Variants in FRMD3 observed in about 807,000 individuals in gnomAD.
FRMD3 encodes FERM domain-containing protein 3.
In FRMD3, 33 loss-of-function variants were observed where a neutral mutation model predicts 70.2. That is an observed-to-expected ratio of 0.47 (90% CI 0.36 to 0.63). The LOEUF is 0.63. Ranked by LOEUF, FRMD3 falls within the 20% of genes least tolerant of loss-of-function variation. The pLI, the probability that FRMD3 is intolerant of heterozygous loss-of-function variation, is 0.00. For synonymous variants in FRMD3, 279 were observed against 255.9 expected, an observed-to-expected ratio of 1.09 and a Z score of -0.86; for missense variants, 632 against 711.4, an observed-to-expected ratio of 0.89 and a Z score of 1.27.
chr9:83,331,282 C>G (rs1836248817), intron 6 of FRMD3, among the ~76,000 whole-genome samples: 1 of 152,118 alleles, frequency 6.6e-6, no homozygotes, highest in Admixed American at 6.5e-5. Flanking sequence ...AGGAAATGAG[C>G]TCTTAAACCA....
chr9:83,285,876 C>T (rs1348867852), intron 13 of FRMD3, among the ~76,000 whole-genome samples: 3 of 152,204 alleles, frequency 2.0e-5, no homozygotes, highest in Non-Finnish European at 4.4e-5. Context: ...AAATGGTTTG[C>T]CATTCTCATC....
intron 2 of FRMD3, among the ~76,000 whole-genome samples, chr9:83,389,135 G>A (rs897851119): frequency 4.6e-5 from 7 of 151,740 alleles, no homozygotes; most frequent in Admixed American, 2.6e-4. Flanking sequence ...TTTTGTAGAG[G>A]TGGAGTTTTG....
upstream of FRMD3, among the ~76,000 whole-genome samples, chr9:83,539,768 T>C (rs1026354344): frequency 1.3e-5 from 2 of 152,202 alleles, no homozygotes; most frequent in African/African-American, 4.8e-5. Flanking sequence ...ACAAACTCAG[T>C]CTCAGTATCT....
chr9:83,243,772 T>C (rs149361477), downstream of FRMD3, among the ~76,000 whole-genome samples: 3,547 of 152,210 alleles, frequency 0.023, 61 homozygotes, highest in Non-Finnish European at 0.031. Context: ...ATTGTATTCC[T>C]GCAATTAAGA....
In FRMD3 at chr9:83,431,112, T is replaced by C. The variant is rs575128287; in HGVS notation, c.148-41404A>G. ...ATCCATTGGCCCTTTATTGAACTCA[T>C]GGAAGGAGCACGTTCATTTCAGATT... On this transcript the variant is annotated intron_variant, in intron 1 of 13. Transcript: ENST00000304195. Among the ~76,000 whole-genome samples the C allele has an allele frequency of 4.1e-4, 62 of 152,364 alleles. 1 individual carries two copies. In the South Asian group the frequency reaches 0.012, roughly 31 times the overall value.
chr9:83,447,779 G>T (rs1033725233), intron 1 of FRMD3, among the ~76,000 whole-genome samples: 7 of 152,170 alleles, frequency 4.6e-5, no homozygotes, highest in African/African-American at 1.7e-4. Flanking sequence ...AAAGACAGAA[G>T]TCAGGATGTC....
At chr9:83,464,775 T>C (rs1210296287) in intron 1 of FRMD3, among the ~76,000 whole-genome samples, 1 of 152,098 alleles carries the variant, frequency 6.6e-6, no homozygotes, top group Non-Finnish European at 1.5e-5. Context: ...TCCCAGCACT[T>C]TGGGACGCCA....
the FRMD3 span, among the ~76,000 whole-genome samples, chr9:83,549,840 T>C: frequency 6.6e-6 from 1 of 152,192 alleles, no homozygotes; most frequent in African/African-American, 2.4e-5. Context: ...TTATAGATGC[T>C]GGACATTAGA....
intron 8 of FRMD3, 50 bp from the exon 9 acceptor site, chr9:83,310,598 A>T (rs749305913): frequency 1.2e-5 from 17 of 1,440,716 alleles, no homozygotes; most frequent in Non-Finnish European, 1.6e-5. Context: ...GCAGCTAACC[A>T]AGGTACCTGG....
At chr9:83,535,890 G>A (rs1829882420) in intron 1 of FRMD3, among the ~76,000 whole-genome samples, 1 of 152,148 alleles carries the variant, frequency 6.6e-6, no homozygotes, top group African/African-American at 2.4e-5. Flanking sequence ...GATTCACCCA[G>A]AACAAGTGCC....
chr9:83,276,791 C>A lies in FRMD3; in HGVS notation c.1195+13812G>T, dbSNP rs1833807408. On this transcript the variant is annotated intron_variant, in intron 13 of 13. Transcript: ENST00000304195. ...ATGGTGTGATTTCAGCTCACTGCAA[C>A]CTCCACCTCCCAGGTTCAAGCGATT... is the stretch of plus-strand genomic sequence containing the variant. Among the ~76,000 whole-genome samples the A allele has an allele frequency of 2.0e-5, 3 of 152,220 alleles. No individual in the cohort carries two copies. The South Asian group carries it at 6.2e-4, about 32-fold the overall frequency.
chr9:83,371,209 G>C (rs897212745), intron 3 of FRMD3, among the ~76,000 whole-genome samples: 1 of 152,046 alleles, frequency 6.6e-6, no homozygotes, highest in African/African-American at 2.4e-5. Flanking sequence ...TCAATATTTT[G>C]TAGTTAAGGA....
At position 83,520,651 on chromosome 9, in the gene FRMD3, C is replaced by T. The variant is rs548008217; in HGVS notation, c.147+17434G>A. ...CTAGTGGCTACCAAACTGGACAGCA[C>T]AGATACAGAACAGTGTTACCACTGC... is the stretch of plus-strand genomic sequence containing the variant. On this transcript the variant is annotated intron_variant, in intron 1 of 13. Transcript: ENST00000304195. Among the ~76,000 whole-genome samples the T allele has an allele frequency of 3.9e-5, 6 of 152,306 alleles. 1 individual carries two copies. Among genetic ancestry groups the T allele is most frequent in the African/African-American group, 1.4e-4 (6 of 41,580 alleles).
In FRMD3 at chr9:83,536,476, C is replaced by T. The variant is rs78581070; in HGVS notation, c.147+1609G>A. On this transcript the variant is annotated intron_variant, in intron 1 of 13. Coordinates refer to ENST00000304195, the MANE Select transcript of FRMD3 (RefSeq NM_174938.6). ...TACACATTCATTATGGGTTAAAGGACCTGTACACCCACTTTAGGACTTAAA... is the reference window on the plus strand; with the variant it reads ...TACACATTCATTATGGGTTAAAGGATCTGTACACCCACTTTAGGACTTAAA... Among the ~76,000 whole-genome samples the T allele has an allele frequency of 1.2e-3, 176 of 152,286 alleles. 1 individual carries two copies. The highest frequency in any genetic ancestry group is 4.0e-3 in the African/African-American group (166 of 41,570).
Position 83,290,718 on chromosome 9 carries a change from A to T in FRMD3, c.1080T>A (p.Ile360=). Residue 360 remains isoleucine (I), a synonymous_variant, in exon 13 of 14, where the codon ATT becomes ATA. Transcript: ENST00000304195. ...AGGAGTGGGAACTGCGGCTCTGAGT[A>T]ATGTTGGCTCTGAAAACAGACACAA... ...REPPEVHRAN[I]TQSRSSHSLN... is the part of the protein sequence containing the mutation. 6.2e-7 allele frequency: 1 copy of T among 1,608,640 alleles called. No individual in the cohort carries two copies. The highest frequency in any genetic ancestry group is 8.5e-7 in the Non-Finnish European group (1 of 1,176,936).
intron 6 of FRMD3, among the ~76,000 whole-genome samples, chr9:83,317,342 G>A (rs936373976): frequency 2.0e-5 from 3 of 151,814 alleles, no homozygotes; most frequent in African/African-American, 4.8e-5. Context: ...TCACCCTAAC[G>A]ACCCAGACCA....
At chr9:83,309,761 T>C in intron 9 of FRMD3, 137 bp from the exon 10 acceptor site, 1 of 575,136 alleles carries the variant, frequency 1.7e-6, no homozygotes. Context: ...AACATATTGC[T>C]ATGTTATTTA....
chr9:83,542,320 T>C (rs1397682840), upstream of FRMD3, among the ~76,000 whole-genome samples: 1 of 152,250 alleles, frequency 6.6e-6, no homozygotes, highest in Non-Finnish European at 1.5e-5. Context: ...TATTGCATCT[T>C]GAATTTTTTC....
At chr9:83,560,977 C>G in the FRMD3 span, among the ~76,000 whole-genome samples, 1 of 152,116 alleles carries the variant, frequency 6.6e-6, no homozygotes, top group Admixed American at 6.6e-5. Flanking sequence ...TTCTTTGAGC[C>G]ACTATATTTT....
Sources: gnomAD v4.1 joint callset for allele counts (sites outside exome capture counted in the v4.1 genomes callset) on GRCh38, gnomAD v4.1.1 for gene constraint, MANE v1.5 for transcripts, NCBI Gene and HGNC (gene_info 2026-07-23, HGNC 2026-07-21) for gene names.